Variants in ST7 observed in about 807,000 individuals in gnomAD.
ST7 encodes the protein suppression of tumorigenicity 7, also known as suppressor of tumorigenicity 7 protein.
Under a neutral mutation model 78.7 loss-of-function variants are expected in ST7, and 28 were observed. That is an observed-to-expected ratio of 0.36 (90% CI 0.26 to 0.49). The LOEUF is 0.49. ST7 is among the 20% of genes least tolerant of loss of function. The probability of loss-of-function intolerance (pLI) is 0.99; values close to 1 mark genes in which losing one functional copy is unlikely to be tolerated. For synonymous variants in ST7, 247 were observed against 249.6 expected (o/e 0.99, Z 0.10); for missense variants, 418 against 696.0 (o/e 0.60, Z 4.49).
At chr7:117,147,853 G>A (rs1171305012) in intron 9 of ST7, among the ~76,000 whole-genome samples, 12 of 151,290 alleles carry the variant, frequency 7.9e-5, no homozygotes, top group African/African-American at 7.3e-5. Flanking sequence ...TTTACCCCTC[G>A]TCATTGATTG....
At chr7:117,207,887 A>G (rs750496229) in intron 12 of ST7, among the ~76,000 whole-genome samples, 4 of 152,114 alleles carry the variant, frequency 2.6e-5, no homozygotes, top group Non-Finnish European at 5.9e-5. Flanking sequence ...TCCTTATCCA[A>G]CTTACTCTGG....
chr7:117,134,432 A>G (rs890298036), intron 7 of ST7, among the ~76,000 whole-genome samples: 1 of 151,922 alleles, frequency 6.6e-6, no homozygotes, highest in South Asian at 2.1e-4. Context: ...GCATGTTTCT[A>G]TCCCAAACTC....
At chr7:117,035,229 T>G (rs1231208408) in intron 1 of ST7, among the ~76,000 whole-genome samples, 2 of 152,016 alleles carry the variant, frequency 1.3e-5, no homozygotes, top group African/African-American at 2.4e-5. Context: ...AGTCTGTTTG[T>G]TTTTAATATT....
chr7:117,064,338 G>T (rs1254539676), intron 1 of ST7, among the ~76,000 whole-genome samples: 1 of 152,058 alleles, frequency 6.6e-6, no homozygotes, highest in African/African-American at 2.4e-5. Context: ...GAAATATCAA[G>T]GTAATTAAAA....
chr7:116,970,606 C>G (rs1478618902), intron 1 of ST7, among the ~76,000 whole-genome samples: 1 of 152,110 alleles, frequency 6.6e-6, no homozygotes, highest in Non-Finnish European at 1.5e-5. Flanking sequence ...TCGTCATGAC[C>G]TAATTACCTC....
At position 117,113,247 on chromosome 7, in the gene ST7, G is replaced by A. The variant is rs140734194; in HGVS notation, c.235-6314G>A. 1.6e-4 allele frequency among the ~76,000 whole-genome samples: 24 copies of A among 152,336 alleles called. No individual in the cohort carries two copies. In the East Asian group the frequency reaches 4.2e-3, roughly 27 times the overall value. ...TTACCTACGAAACTTTGCTAGGTAA[G>A]GATGGAGTGAAGACTAGAATTTAAA... On this transcript the variant is annotated intron_variant, in intron 2 of 15. Coordinates refer to ENST00000323984, the MANE Select transcript of ST7 (RefSeq NM_001369598.1).
intron 9 of ST7, among the ~76,000 whole-genome samples, chr7:117,140,217 A>G (rs1805161041): frequency 6.6e-6 from 1 of 152,200 alleles, no homozygotes; most frequent in Non-Finnish European, 1.5e-5. Context: ...ATTATTTTAT[A>G]CTTACAATTC....
chr7:117,075,867 G>A (rs1476497649), intron 1 of ST7, among the ~76,000 whole-genome samples: 4 of 152,120 alleles, frequency 2.6e-5, no homozygotes, highest in African/African-American at 7.2e-5. Context: ...CATTAAAAAA[G>A]TTGAAACTTA....
At position 117,162,530 on chromosome 7, in the gene ST7, G is replaced by A. The variant is rs143234925; in HGVS notation, c.964-8332G>A. 6.4e-3 allele frequency among the ~76,000 whole-genome samples: 953 copies of A among 149,122 alleles called. 4 individuals carry two copies. The highest frequency in any genetic ancestry group is 0.014 in the Middle Eastern group (4 of 280). ...GGATATTTGTGGGGATATTCACTAC[G>A]GATGAGGAAAATCCCATCATAAATA... On this transcript the variant is annotated intron_variant, in intron 9 of 15. Coordinates refer to ENST00000323984, the MANE Select transcript of ST7 (RefSeq NM_001369598.1).
intron 1 of ST7, among the ~76,000 whole-genome samples, chr7:117,004,718 G>C (rs1285116879): frequency 3.3e-5 from 5 of 151,938 alleles, no homozygotes; most frequent in African/African-American, 1.2e-4. Flanking sequence ...AAATGACTAC[G>C]AACTCTCATT....
Position 117,119,728 on chromosome 7 carries a change from A to T in ST7, c.394+8A>T, listed in dbSNP as rs1803208007. The T allele has an allele frequency of 6.2e-7, 1 of 1,609,518 alleles. No homozygotes were observed. The highest frequency in any genetic ancestry group is 1.3e-5 in the African/African-American group (1 of 74,674). Reference sequence around the variant, plus strand: ...ATAGGCAAAGTGTCTCAGGTATGGAATTTCCTTCAGTTTGCAATATTATTT... The same window carrying T: ...ATAGGCAAAGTGTCTCAGGTATGGATTTTCCTTCAGTTTGCAATATTATTT... On this transcript the variant is annotated splice_region_variant and intron_variant, in intron 3 of 15. Transcript: ENST00000323984.
At chr7:117,193,845 A>G (rs1810022444) in intron 12 of ST7, among the ~76,000 whole-genome samples, 1 of 152,244 alleles carries the variant, frequency 6.6e-6, no homozygotes, top group South Asian at 2.1e-4. Flanking sequence ...ACCAAATATA[A>G]TAACTGAGAA....
chr7:117,152,322 C>G (rs1459662415), intron 9 of ST7, among the ~76,000 whole-genome samples: 2 of 150,336 alleles, frequency 1.3e-5, no homozygotes, highest in Non-Finnish European at 3.0e-5. Flanking sequence ...AGAAGTGTTG[C>G]TCAGCCCAGC....
intron 1 of ST7, chr7:117,098,902 T>C (rs1343109672): frequency 8.6e-7 from 1 of 1,162,746 alleles, no homozygotes; most frequent in Non-Finnish European, 1.2e-6. Context: ...ATGTATAAAA[T>C]ACTTGTAAGT....
intron 12 of ST7, among the ~76,000 whole-genome samples, chr7:117,194,704 A>G (rs1810122081): frequency 6.6e-6 from 1 of 152,236 alleles, no homozygotes; most frequent in Admixed American, 6.5e-5. Flanking sequence ...CCACGGTTCT[A>G]TACCTTCATC....
At chr7:117,111,053 G>A (rs1233347953) in intron 2 of ST7, among the ~76,000 whole-genome samples, 1 of 152,196 alleles carries the variant, frequency 6.6e-6, no homozygotes, top group African/African-American at 2.4e-5. Flanking sequence ...AGTGTGTACA[G>A]CTTTAGGCTC....
intron 1 of ST7, among the ~76,000 whole-genome samples, chr7:117,079,467 G>T (rs961668845): frequency 2.0e-5 from 3 of 152,094 alleles, no homozygotes; most frequent in Non-Finnish European, 4.4e-5. Flanking sequence ...TAGAATTCAG[G>T]TTACATATAC....
chr7:117,167,564 G>T (rs1489501781), intron 9 of ST7, among the ~76,000 whole-genome samples: 2 of 152,024 alleles, frequency 1.3e-5, no homozygotes, highest in African/African-American at 4.8e-5. Flanking sequence ...AAGACAGTTG[G>T]CAAGAGCAGG....
intron 1 of ST7, among the ~76,000 whole-genome samples, chr7:117,037,569 T>G (rs534578937): frequency 6.6e-6 from 1 of 152,352 alleles, no homozygotes; most frequent in South Asian, 2.1e-4. Context: ...TTCATGAAAC[T>G]ATTAAAATGA....
Sources: gnomAD v4.1 joint callset for allele counts (sites outside exome capture counted in the v4.1 genomes callset) on GRCh38, gnomAD v4.1.1 for gene constraint, MANE v1.5 for transcripts, NCBI Gene and HGNC (gene_info 2026-07-23, HGNC 2026-07-21) for gene names.